Variants in XDH observed in about 807,000 individuals in gnomAD.
XDH encodes the protein xanthine dehydrogenase, also known as xanthine dehydrogenase/oxidase.
In XDH, 138 loss-of-function variants were observed where a neutral mutation model predicts 156.1. That is an observed-to-expected ratio of 0.88 (90% confidence interval 0.77 to 1.02). The LOEUF (loss-of-function observed/expected upper bound fraction) is 1.02, where lower values mean the gene tolerates loss of function less well. Among genes scored for constraint, XDH ranks in the 50% least tolerant of loss-of-function variants. The pLI is 0.00. For missense variants in XDH, 1,849 were observed against 1,684.9 expected, an observed-to-expected ratio of 1.10 and a Z score of -1.71; for synonymous variants, 669 against 625.7, an observed-to-expected ratio of 1.07 and a Z score of -1.03.
intron 24 of XDH, among the ~76,000 whole-genome samples, chr2:31,362,715 T>C (rs1367144248): frequency 6.6e-6 from 1 of 152,184 alleles, no homozygotes; most frequent in African/African-American, 2.4e-5. Context: ...TTAGTAATAA[T>C]AAAGCCCAGC....
intron 1 of XDH, among the ~76,000 whole-genome samples, chr2:31,407,208 C>T (rs1039908358): frequency 6.6e-6 from 1 of 152,088 alleles, no homozygotes; most frequent in East Asian, 1.9e-4. Flanking sequence ...ATCTAACATG[C>T]CACCTTTGCA....
intron 14 of XDH, among the ~76,000 whole-genome samples, chr2:31,376,583 A>G (rs1686250536): frequency 2.0e-5 from 3 of 149,646 alleles, no homozygotes; most frequent in South Asian, 4.2e-4. Flanking sequence ...AGGCAGCAGT[A>G]GTATTAGCAA....
At chr2:31,404,292 T>A (rs60120427) in intron 2 of XDH, among the ~76,000 whole-genome samples, 1 of 152,096 alleles carries the variant, frequency 6.6e-6, no homozygotes, top group Non-Finnish European at 1.5e-5. Context: ...TCAAACAACT[T>A]TGGGGGCACC....
At chr2:31,399,072 A>G (rs972201550) in intron 4 of XDH, among the ~76,000 whole-genome samples, 12 of 152,190 alleles carry the variant, frequency 7.9e-5, no homozygotes, top group African/African-American at 2.7e-4. Context: ...GCAGCTTCTG[A>G]ATGGATTGGG....
chr2:31,414,129 G>A (rs760424358), intron 1 of XDH, among the ~76,000 whole-genome samples: 1 of 152,074 alleles, frequency 6.6e-6, no homozygotes, highest in Non-Finnish European at 1.5e-5. Context: ...ATCAGGACTG[G>A]CTGTTAAACC....
In XDH at chr2:31,373,871, A is replaced by T. The variant is rs756166184; in HGVS notation, c.1686+2T>A. On this transcript the variant is annotated splice_donor_variant, in intron 16 of 35. Coordinates refer to ENST00000379416, the MANE Select transcript of XDH (RefSeq NM_000379.4). LOFTEE classifies it high-confidence loss of function. ...TATTAGCCATACACTGACCGTACTC[A>T]CTTGGAAGAGCTGGACATCGGCTGG... is the stretch of plus-strand genomic sequence containing the variant. 1 of 1,613,808 alleles carries T rather than the reference A, an allele frequency of 6.2e-7. No individual in the cohort carries two copies. The highest frequency in any genetic ancestry group is 8.5e-7 in the Non-Finnish European group (1 of 1,179,778).
At chr2:31,386,995 GGAAGGAAGGAAGGAAGGAA>G (rs1294887165) in intron 8 of XDH, among the ~76,000 whole-genome samples, 3 of 8,846 alleles carry the variant, frequency 3.4e-4, no homozygotes, top group Admixed American at 1.9e-3. Context: ...AAGAAAGGAA[GGAAGGAAGGAAGGAAGGAA>G]GGAAGGAAGG....
chr2:31,360,241 T>A (rs1368449265), intron 24 of XDH, among the ~76,000 whole-genome samples: 1 of 152,240 alleles, frequency 6.6e-6, no homozygotes, highest in African/African-American at 2.4e-5. Context: ...CTCATGCCTA[T>A]AATCCCAGCA....
intron 30 of XDH, 114 bp downstream of exon 30, chr2:31,346,655 T>C (rs1480837926): frequency 7.9e-7 from 1 of 1,268,884 alleles, no homozygotes; most frequent in East Asian, 2.3e-5. Flanking sequence ...TCAACTTCTC[T>C]CTGCTGTTCT....
chr2:31,401,060 A>T (rs912930458), intron 4 of XDH, among the ~76,000 whole-genome samples, 160 bp downstream of exon 4: 3 of 152,174 alleles, frequency 2.0e-5, no homozygotes, highest in African/African-American at 7.2e-5. Context: ...ACCTCACGGT[A>T]CCCAGAGGAG....
chr2:31,369,621 T>C (rs1686018603), intron 18 of XDH, among the ~76,000 whole-genome samples: 1 of 152,252 alleles, frequency 6.6e-6, no homozygotes, highest in Non-Finnish European at 1.5e-5. Flanking sequence ...TGGTTAAATC[T>C]GGCTGACTTT....
At chr2:31,410,548 G>C (rs745369803) in intron 1 of XDH, among the ~76,000 whole-genome samples, 1 of 152,044 alleles carries the variant, frequency 6.6e-6, no homozygotes, top group East Asian at 1.9e-4. Flanking sequence ...AAGAAACGTG[G>C]TGGATAACAC....
rs745512463 is a variant in XDH, at chr2:31,365,534, G to T, written c.2467C>A (p.Pro823Thr). The change falls in exon 23 of 36, where the codon CCT becomes ACT. Residue 823 changes from proline (P) to threonine (T), a missense_variant. By Grantham distance (38) the Pro-to-Thr change is conservative (BLOSUM62 -1). Transcript: ENST00000379416. ...VALAAYKTGR[P>T]VRCMLDRDED... ...TCACGGTCCAGCATGCATCGCACAGGGCGGCCGGTCCTGGGGGTTACCGAC... is the reference window on the plus strand; with the variant it reads ...TCACGGTCCAGCATGCATCGCACAGTGCGGCCGGTCCTGGGGGTTACCGAC... 2 of 1,614,138 alleles carry T rather than the reference G, an allele frequency of 1.2e-6. No homozygotes were observed. Among genetic ancestry groups the T allele is most frequent in the Admixed American group, 1.7e-5 (1 of 60,028 alleles).
At chr2:31,403,780 C>T (rs1392992691) in intron 2 of XDH, among the ~76,000 whole-genome samples, 1 of 152,122 alleles carries the variant, frequency 6.6e-6, no homozygotes, top group Non-Finnish European at 1.5e-5. Flanking sequence ...CCATCTGCTA[C>T]TTTGAGTTTT....
intron 24 of XDH, among the ~76,000 whole-genome samples, chr2:31,353,852 A>G (rs961990966): frequency 6.6e-6 from 1 of 152,166 alleles, no homozygotes; most frequent in Non-Finnish European, 1.5e-5. Flanking sequence ...AGATACCCCA[A>G]CATTCCTGCT....
In XDH at chr2:31,372,410, G is replaced by A. The variant is rs376397368; in HGVS notation, c.1687-13C>T. 3 of 1,613,890 alleles carry A rather than the reference G, an allele frequency of 1.9e-6. No homozygotes were observed. In the East Asian group the frequency reaches 6.7e-5, roughly 36 times the overall value. ...CCTTGGGCACCTCCTGGAATGACAG[G>A]GTCATCAATCAGGGTGAGCTGCCAA... On this transcript the variant is annotated splice_polypyrimidine_tract_variant and intron_variant, in intron 16 of 35. Coordinates refer to ENST00000379416, the MANE Select transcript of XDH (RefSeq NM_000379.4).
chr2:31,348,236 C>A (rs367750564), intron 28 of XDH, 32 bp downstream of exon 28: 4 of 1,606,006 alleles, frequency 2.5e-6, no homozygotes, highest in African/African-American at 2.7e-5. Flanking sequence ...CCTCTAACAA[C>A]GGACACAACA....
At position 31,366,031 on chromosome 2, in the gene XDH, C is replaced by T; in HGVS notation, c.2401G>A (p.Gly801Ser). 6.2e-7 allele frequency: 1 copy of T among 1,614,214 alleles called. No individual in the cohort carries two copies. Among genetic ancestry groups the T allele is most frequent in the Non-Finnish European group, 8.5e-7 (1 of 1,180,030 alleles). The change falls in exon 22 of 36, where the codon GGC (glycine) becomes AGC (serine). Residue 801 changes from glycine to serine, a missense_variant. Physicochemically the swap from Gly to Ser is moderately conservative, Grantham distance 56. Coordinates refer to ENST00000379416, the MANE Select transcript of XDH (RefSeq NM_000379.4). ...RVKRMGGGFG[G>S]KETRSTVVST... ...ACCACAGTGCTCCGGGTCTCCTTGC[C>T]TCCAAAGCCTCCTCCCATTCTCTTC...
rs780573430 is a variant in XDH at position 31,350,168 on chromosome 2, C to T, written c.2687G>A (p.Arg896Gln). 6.2e-6 allele frequency: 10 copies of T among 1,614,018 alleles called. No homozygotes were observed. Among genetic ancestry groups the T allele is most frequent in the African/African-American group, 4.0e-5 (3 of 74,912 alleles). ...GGTTTTGCACAGCCGCCCAGTGCCC[C>T]GGATGTTGGGGATTTTATAGCAGTT... ...MDNCYKIPNI[R>Q]GTGRLCKTNL... Residue 896 changes from arginine to glutamine, a missense_variant, in exon 25 of 36, where the codon CGG (arginine) becomes CAG (glutamine). Transcript: ENST00000379416.
Sources: allele counts gnomAD v4.1 joint callset (sites outside exome capture counted in the v4.1 genomes callset), GRCh38; gene constraint gnomAD v4.1.1; transcripts MANE v1.5; gene names NCBI Gene and HGNC (gene_info 2026-07-23, HGNC 2026-07-21).